TENM2: variants seen among roughly 807,000 people sequenced by gnomAD.
The protein encoded by TENM2 is teneurin transmembrane protein 2.
Under a neutral mutation model 245.2 loss-of-function variants are expected in TENM2, and 52 were observed. That is an observed-to-expected ratio of 0.21 (90% CI 0.17 to 0.27). The LOEUF is 0.27. Ranked by LOEUF, TENM2 falls within the 10% of genes least tolerant of loss-of-function variation. The probability of loss-of-function intolerance (pLI) is 1.00; values close to 1 mark genes in which losing one functional copy is unlikely to be tolerated. For synonymous variants in TENM2, 1,363 were observed against 1,438.9 expected (o/e 0.95, Z 1.19); for missense variants, 3,046 against 3,666.8 (o/e 0.83, Z 4.37).
chr5:167,631,877 T>G (rs1778901766), intron 2 of TENM2, among the ~76,000 whole-genome samples: 1 of 152,142 alleles, frequency 6.6e-6, no homozygotes. Flanking sequence ...TGGATTATGA[T>G]TATGTCTTTG....
intron 2 of TENM2, among the ~76,000 whole-genome samples, chr5:167,819,146 C>G (rs2151027585): frequency 6.6e-6 from 1 of 152,138 alleles, no homozygotes; most frequent in South Asian, 2.1e-4. Flanking sequence ...CTGCTTCTTC[C>G]TGCACTGAAG....
intron 2 of TENM2, among the ~76,000 whole-genome samples, chr5:167,868,292 C>G (rs1772505173): frequency 6.6e-6 from 1 of 152,102 alleles, no homozygotes; most frequent in Non-Finnish European, 1.5e-5. Context: ...TGGAGAATGA[C>G]TGAGCTAGTC....
chr5:167,619,117 GA>G (rs1359206032), intron 2 of TENM2, among the ~76,000 whole-genome samples: 4 of 152,192 alleles, frequency 2.6e-5, no homozygotes, highest in Non-Finnish European at 5.9e-5. Context: ...GGAGACTACA[GA>G]AATATAATTT....
chr5:168,236,112 G>C (rs935382643), intron 25 of TENM2, among the ~76,000 whole-genome samples: 1 of 152,216 alleles, frequency 6.6e-6, no homozygotes, highest in Non-Finnish European at 1.5e-5. Context: ...GCCTTATCTT[G>C]TTGGCCCTTT....
chr5:168,035,736 G>A (rs1325958496), intron 5 of TENM2, among the ~76,000 whole-genome samples: 1 of 152,122 alleles, frequency 6.6e-6, no homozygotes, highest in East Asian at 1.9e-4. Context: ...GAAGAGAAGT[G>A]CCTCTGAGGT....
chr5:167,518,043 C>T (rs529309055), intron 2 of TENM2, among the ~76,000 whole-genome samples: 2 of 151,894 alleles, frequency 1.3e-5, no homozygotes, highest in African/African-American at 2.4e-5. Flanking sequence ...AAAAATTAGT[C>T]GGATGTTACG....
At chr5:167,540,111 T>G (rs1441949701) in intron 2 of TENM2, among the ~76,000 whole-genome samples, 1 of 152,098 alleles carries the variant, frequency 6.6e-6, no homozygotes, top group Non-Finnish European at 1.5e-5. Context: ...ATCGTTGGAG[T>G]AAATTTAGGC....
chr5:167,127,501 A>G, the TENM2 span, among the ~76,000 whole-genome samples: 2 of 152,174 alleles, frequency 1.3e-5, no homozygotes, highest in African/African-American at 4.8e-5. Context: ...AGTGTCATTT[A>G]GAAAGCCATT....
chr5:168,033,033 G>A (rs780427552), intron 5 of TENM2: 1 of 152,076 alleles, frequency 6.6e-6, no homozygotes, highest in South Asian at 2.1e-4. Flanking sequence ...TTTGGGATGA[G>A]GCTAAATTGA....
chr5:168,162,599 T>G lies in TENM2; in HGVS notation c.2423-12T>G. The G allele has an allele frequency of 1.2e-6, 2 of 1,612,520 alleles. No homozygotes were observed. Among genetic ancestry groups the G allele is most frequent in the Non-Finnish European group, 1.7e-6 (2 of 1,178,860 alleles). On this transcript the variant is annotated splice_polypyrimidine_tract_variant and intron_variant, in intron 12 of 28. Coordinates refer to ENST00000518659, the Ensembl canonical transcript of TENM2. Reference sequence around the variant, plus strand: ...CGTCCCTCCTTCTCATCCTCTCCATTTCTCCAACCAGATGGCTGCCCTGAC... The same window carrying G: ...CGTCCCTCCTTCTCATCCTCTCCATGTCTCCAACCAGATGGCTGCCCTGAC...
chr5:167,363,820 A>G (rs1417688782), intron 1 of TENM2, among the ~76,000 whole-genome samples: 1 of 151,916 alleles, frequency 6.6e-6, no homozygotes, highest in Non-Finnish European at 1.5e-5. Flanking sequence ...TAAATAATTG[A>G]TTTTGACCTT....
chr5:168,090,442 GA>G (rs1299614284), intron 7 of TENM2, 131 bp from the exon 10 acceptor site: 1 of 647,524 alleles, frequency 1.5e-6, no homozygotes, highest in African/African-American at 1.8e-5. Flanking sequence ...TGTTTTCCTG[GA>G]TAAGTTCATA....
At chr5:167,822,739 A>G (rs773010105) in intron 2 of TENM2, among the ~76,000 whole-genome samples, 14 of 152,228 alleles carry the variant, frequency 9.2e-5, no homozygotes, top group South Asian at 2.1e-4. Context: ...TAGAACAACA[A>G]AAACAACAAC....
intron 4 of TENM2, among the ~76,000 whole-genome samples, chr5:167,979,470 TC>T (rs1782672911): frequency 6.6e-6 from 1 of 152,016 alleles, no homozygotes. Context: ...ATCTCTGAGG[TC>T]CCAGTTACAA....
At chr5:168,131,793 T>C (rs1754606332) in intron 12 of TENM2, among the ~76,000 whole-genome samples, 2 of 152,134 alleles carry the variant, frequency 1.3e-5, no homozygotes, top group African/African-American at 4.8e-5. Context: ...TACAGTGAGA[T>C]CAAGTTGAGA....
chr5:168,115,933 T>C (rs1795052080), intron 9 of TENM2, among the ~76,000 whole-genome samples: 7 of 152,160 alleles, frequency 4.6e-5, no homozygotes, highest in Admixed American at 4.6e-4. Context: ...GGTAGTACTA[T>C]AGATCATGTG....
At chr5:167,872,535 AG>A in intron 2 of TENM2, among the ~76,000 whole-genome samples, 1 of 49,452 alleles carries the variant, frequency 2.0e-5, no homozygotes, top group African/African-American at 5.7e-5. Context: ...AAAGAAAGAA[AG>A]AAAGAAAGAA....
intron 19 of TENM2, among the ~76,000 whole-genome samples, chr5:168,206,791 A>G (rs571771951): frequency 2.0e-4 from 30 of 152,232 alleles, no homozygotes; most frequent in African/African-American, 7.2e-4. Flanking sequence ...TGGAGGTAGC[A>G]CTGTGCTTTG....
chr5:168,058,705 G>T (rs990514985), intron 6 of TENM2, among the ~76,000 whole-genome samples: 2 of 152,152 alleles, frequency 1.3e-5, no homozygotes, highest in African/African-American at 4.8e-5. Context: ...TATATTGCAT[G>T]TGCCCACACT....
Sources: gnomAD v4.1 joint callset for allele counts (sites outside exome capture counted in the v4.1 genomes callset) on GRCh38, gnomAD v4.1.1 for gene constraint, MANE v1.5 for transcripts, NCBI Gene and HGNC (gene_info 2026-07-23, HGNC 2026-07-21) for gene names.